PCSK9: variants seen among roughly 807,000 people sequenced by gnomAD.
PCSK9 encodes the protein convertase subtilisin/kexin type 9 preproprotein.
A neutral mutation model predicts 62.1 loss-of-function variants in PCSK9; 57 were observed. That is an observed-to-expected ratio of 0.92 (90% confidence interval 0.74 to 1.14). PCSK9 has a LOEUF of 1.14. Among genes scored for constraint, PCSK9 ranks in the 50% most tolerant of loss-of-function variants. PCSK9 has a pLI of 0.00. For synonymous variants in PCSK9, 387 were observed against 409.4 expected (o/e 0.95, Z 0.66); for missense variants, 870 against 959.8 (o/e 0.91, Z 1.24).
Position 55,056,591 on chromosome 1 carries a change from C to G in PCSK9, c.996+402C>G, listed in dbSNP as rs1047452256. ...GGCCTCCCTGTTGTCCAGCTCTCTC[C>G]GCGGCTCCATGACTGACAACTTGAG... is the stretch of plus-strand genomic sequence containing the variant. On this transcript the variant is annotated intron_variant, in intron 6 of 11. Coordinates refer to ENST00000302118, the MANE Select transcript of PCSK9 (RefSeq NM_174936.4). Among the ~76,000 whole-genome samples, 12 of 152,338 alleles carry G rather than the reference C, an allele frequency of 7.9e-5. No individual in the cohort carries two copies. In the South Asian group the frequency reaches 2.5e-3, roughly 32 times the overall value.
At position 55,039,731 on chromosome 1, in the gene PCSK9, A is replaced by G; in HGVS notation, c.-107A>G. On this transcript the variant is annotated 5_prime_UTR_variant, in exon 1 of 12. Coordinates refer to ENST00000302118, the MANE Select transcript of PCSK9 (RefSeq NM_174936.4). ...TTCACGCGCCCTGCTCCTGAACTTC[A>G]GCTCCTGCACAGTCCTCCCCACCGC... is the stretch of plus-strand genomic sequence containing the variant. 1 of 1,323,602 alleles carries G rather than the reference A, an allele frequency of 7.6e-7. No homozygotes were observed. The highest frequency in any genetic ancestry group is 1.0e-6 in the Non-Finnish European group (1 of 953,184). The allele number at this position is 1,323,602 out of a possible 1,614,324, so 82.0% of individuals were successfully genotyped here. A position where few individuals can be genotyped will look rare whatever the true frequency, so the allele number is the denominator to read the frequency against.
chr1:55,041,943 A>G (rs1474075700), intron 1 of PCSK9, among the ~76,000 whole-genome samples: 1 of 151,762 alleles, frequency 6.6e-6, no homozygotes, highest in East Asian at 1.9e-4. Flanking sequence ...ACATGTCCAC[A>G]GTTCTTTTTC....
chr1:55,052,915 A>G, intron 5 of PCSK9, 124 bp downstream of exon 5: 1 of 1,500,436 alleles, frequency 6.7e-7, no homozygotes, highest in Non-Finnish European at 9.1e-7. Context: ...TCTGCCGCAG[A>G]GCCAGAGAAC....
Position 55,058,207 on chromosome 1 carries a change from C to A in PCSK9, c.1352C>A (p.Ala451Glu), listed in dbSNP as rs1451869477. 6.2e-7 allele frequency: 1 copy of A among 1,611,536 alleles called. No individual in the cohort carries two copies. Among genetic ancestry groups the A allele is most frequent in the Non-Finnish European group, 8.5e-7 (1 of 1,178,888 alleles). The change falls in exon 8 of 12, where the codon GCA (alanine) becomes GAA (glutamate). Residue 451 changes from alanine to glutamate, a missense_variant and splice_region_variant. Ala to Glu is a moderately radical substitution (Grantham distance 107, BLOSUM62 -1). Coordinates refer to ENST00000302118, the MANE Select transcript of PCSK9 (RefSeq NM_174936.4). ...GCCCTGCCCCCCAGCACCCATGGGG[C>A]AGGTAAGCAGGATGGCAGGGTGGGC... The part of the protein sequence containing the change: ...VAALPPSTHG[A>E]GWQLFCRTVW...
chr1:55,051,152 C>G (rs1215461534), intron 3 of PCSK9: 1 of 456,296 alleles, frequency 2.2e-6, no homozygotes, highest in South Asian at 1.5e-5. Flanking sequence ...GCCTCCCACA[C>G]TTGCTCACCT....
Position 55,039,988 on chromosome 1 carries a change from G to C in PCSK9, c.151G>C (p.Gly51Arg). The C allele has an allele frequency of 6.3e-7, 1 of 1,580,628 alleles. No homozygotes were observed. Among genetic ancestry groups the C allele is most frequent in the Non-Finnish European group, 8.6e-7 (1 of 1,164,182 alleles). The change falls in exon 1 of 12, where the codon GGC becomes CGC. Residue 51 changes from glycine (G) to arginine (R), a missense_variant. Gly to Arg is a moderately radical substitution (Grantham distance 125). Coordinates refer to ENST00000302118, the MANE Select transcript of PCSK9 (RefSeq NM_174936.4). ...LVLALRSEED[G>R]LAEAPEHGTT... is the part of the protein sequence containing the mutation. Reference sequence around the variant, plus strand: ...GCTAGCCTTGCGTTCCGAGGAGGACGGCCTGGCCGAAGCACCCGAGCACGG... The same window carrying C: ...GCTAGCCTTGCGTTCCGAGGAGGACCGCCTGGCCGAAGCACCCGAGCACGG...
At position 55,058,156 on chromosome 1, in the gene PCSK9, G is replaced by A. The variant is rs1416309628; in HGVS notation, c.1301G>A (p.Arg434Gln). 13 of 1,613,416 alleles carry A rather than the reference G, an allele frequency of 8.1e-6. No homozygotes were observed. The highest frequency in any genetic ancestry group is 2.7e-5 in the African/African-American group (2 of 74,910). ...INEAWFPEDQ[R>Q]VLTPNLVAAL... ...GAGGCCTGGTTCCCTGAGGACCAGC[G>A]GGTACTGACCCCCAACCTGGTGGCC... Residue 434 changes from arginine (R) to glutamine (Q), a missense_variant, in exon 8 of 12, where the codon CGG becomes CAG. Coordinates refer to ENST00000302118, the MANE Select transcript of PCSK9 (RefSeq NM_174936.4).
intron 3 of PCSK9, among the ~76,000 whole-genome samples, chr1:55,050,500 C>T (rs750475817): frequency 1.3e-5 from 2 of 152,204 alleles, no homozygotes; most frequent in African/African-American, 4.8e-5. Flanking sequence ...GCAAGGACTC[C>T]GCCTCATCCC....
intron 3 of PCSK9, among the ~76,000 whole-genome samples, chr1:55,049,928 C>T (rs1028202106): frequency 6.6e-6 from 1 of 152,224 alleles, no homozygotes; most frequent in African/African-American, 2.4e-5. Flanking sequence ...TGGTCCCAAG[C>T]ACGGGTGGGA....
At chr1:55,047,592 C>T (rs934241335) in intron 3 of PCSK9, among the ~76,000 whole-genome samples, 1 of 152,190 alleles carries the variant, frequency 6.6e-6, no homozygotes, top group African/African-American at 2.4e-5. Context: ...TGTGCAGATG[C>T]TTTTGGAAGT....
chr1:55,049,620 C>T (rs760611664), intron 3 of PCSK9, among the ~76,000 whole-genome samples: 5 of 152,212 alleles, frequency 3.3e-5, no homozygotes, highest in Non-Finnish European at 7.4e-5. Context: ...CCCTGTGTCT[C>T]ATCCGAGCTG....
At chr1:55,060,297 G>A (rs1644748723) in intron 10 of PCSK9, among the ~76,000 whole-genome samples, 5 of 152,206 alleles carry the variant, frequency 3.3e-5, no homozygotes, top group Admixed American at 3.3e-4. Context: ...ATCAAGGGAT[G>A]GTGCCCTGAG....
At chr1:55,052,456 C>T in intron 4 of PCSK9, 45 bp downstream of exon 4, 1 of 1,613,062 alleles carries the variant, frequency 6.2e-7, no homozygotes, top group Non-Finnish European at 8.5e-7. Context: ...GCCCATATCC[C>T]CATCCTGGAG....
chr1:55,062,334 A>G (rs1452316750), intron 11 of PCSK9, among the ~76,000 whole-genome samples: 2 of 152,206 alleles, frequency 1.3e-5, no homozygotes, highest in African/African-American at 2.4e-5. Context: ...TGGATGGTGC[A>G]TTCCTCGAGA....
intron 4 of PCSK9, 60 bp downstream of exon 4, chr1:55,052,471 G>T: frequency 6.2e-7 from 1 of 1,612,076 alleles, no homozygotes. Context: ...CTGGAGGTGG[G>T]TGGGGACTGC....
intron 9 of PCSK9, 40 bp from the exon 10 acceptor site, chr1:55,059,446 C>T: frequency 6.5e-7 from 1 of 1,549,360 alleles, no homozygotes; most frequent in South Asian, 1.2e-5. Flanking sequence ...TTTCAAAGCC[C>T]ATTCTAAAGC....
At chr1:55,051,988 T>A (rs2100295295) in intron 3 of PCSK9, 2 of 483,118 alleles carry the variant, frequency 4.1e-6, no homozygotes, top group Middle Eastern at 6.0e-4. Context: ...TATTGTTAGA[T>A]ATTGATATTC....
chr1:55,040,396 C>T lies in PCSK9; in HGVS notation c.207+352C>T, dbSNP rs971858802. On this transcript the variant is annotated intron_variant, in intron 1 of 11. Coordinates refer to ENST00000302118, the MANE Select transcript of PCSK9 (RefSeq NM_174936.4). This position sits in a 1 kb window ranked among gnomAD's most constrained non-coding sequence, Gnocchi z 4.1. ...AGATTTCCCAGTTTCTGCCTCGCCGCGGCACAGGTGGGTGAAGGAGTGAAT... is the reference window on the plus strand; with the variant it reads ...AGATTTCCCAGTTTCTGCCTCGCCGTGGCACAGGTGGGTGAAGGAGTGAAT... 6.6e-6 allele frequency among the ~76,000 whole-genome samples: 1 copy of T among 152,144 alleles called. No homozygotes were observed. Among genetic ancestry groups the T allele is most frequent in the African/African-American group, 2.4e-5 (1 of 41,424 alleles).
At chr1:55,057,938 TTGTG>T (rs1644727375) in intron 7 of PCSK9, 94 bp from the exon 8 acceptor site, 11 of 1,502,228 alleles carry the variant, frequency 7.3e-6, no homozygotes, top group Middle Eastern at 1.7e-4. Flanking sequence ...GCACGTGTGT[TTGTG>T]TGTATGTGTG....
Sources: allele counts gnomAD v4.1 joint callset (sites outside exome capture counted in the v4.1 genomes callset), GRCh38; gene constraint gnomAD v4.1.1; non-coding constraint Gnocchi (gnomAD v3.1); transcripts MANE v1.5; gene names NCBI Gene and HGNC (gene_info 2026-07-23, HGNC 2026-07-21).